The following TRIM14 variants were observed in gnomAD, a reference collection of about 807,000 sequenced individuals.
TRIM14 encodes tripartite motif containing 14.
A neutral mutation model predicts 44.5 loss-of-function variants in TRIM14; 28 were observed. The ratio of observed to expected loss-of-function variants is 0.63; its 90% CI spans 0.47 to 0.86. The LOEUF is 0.86. Among genes scored for constraint, TRIM14 ranks in the 40% least tolerant of loss-of-function variants. The pLI is 0.00. For missense variants in TRIM14, 607 were observed against 611.1 expected (o/e 0.99, Z 0.07); for synonymous variants, 299 against 269.2 (o/e 1.11, Z -1.08).
At chr9:98,071,999 A>T (rs1829355365) in intron 6 of TRIM14, among the ~76,000 whole-genome samples, 1 of 152,158 alleles carries the variant, frequency 6.6e-6, no homozygotes, top group Non-Finnish European at 1.5e-5. Flanking sequence ...TGGTGTTTGC[A>T]GCGGGGCTTC....
At chr9:98,062,721 C>T in the TRIM14 span, among the ~76,000 whole-genome samples, 1 of 150,448 alleles carries the variant, frequency 6.6e-6, no homozygotes, top group African/African-American at 2.4e-5. Flanking sequence ...TCTTTTGGTG[C>T]ATGTACTATA....
Position 98,113,350 on chromosome 9 carries a change from C to G in TRIM14, c.208-3366G>C, listed in dbSNP as rs578191547. ...TGGATGATAGATAATATACTAACACCTAAGTAATTTTTTTCTTTTTTTGAG... is the reference window on the plus strand; with the variant it reads ...TGGATGATAGATAATATACTAACACGTAAGTAATTTTTTTCTTTTTTTGAG... On this transcript the variant is annotated intron_variant, in intron 1 of 5. Coordinates refer to ENST00000341469, the MANE Select transcript of TRIM14 (RefSeq NM_014788.4). Among the ~76,000 whole-genome samples the G allele has an allele frequency of 2.6e-5, 4 of 151,932 alleles. No homozygotes were observed. In the South Asian group the frequency reaches 8.3e-4, roughly 32 times the overall value.
rs60368742 is a variant in TRIM14, at chr9:98,103,836, C to CAA, written c.304-3674_304-3673dup. Among the ~76,000 whole-genome samples the CAA allele has an allele frequency of 2.2e-3, 161 of 74,564 alleles. 2 individuals carry two copies. Among genetic ancestry groups the CAA allele is most frequent in the African/African-American group, 7.1e-3 (139 of 19,682 alleles). The allele number at this position is 74,564 out of a possible 152,430, so 48.9% of individuals were successfully genotyped here. ...CTGGCAACAGAGCGAGACTCCGTCT[C>CAA]AAAAAAAAAAAAAAAAAAAATTAAA... On this transcript the variant is annotated intron_variant, in intron 2 of 5. Coordinates refer to ENST00000341469, the MANE Select transcript of TRIM14 (RefSeq NM_014788.4).
At chr9:98,106,825 CT>C (rs990996900) in intron 2 of TRIM14, among the ~76,000 whole-genome samples, 1,217 of 116,154 alleles carry the variant, frequency 0.01, 7 homozygotes, top group Middle Eastern at 0.022. Flanking sequence ...TTTCTTTCTT[CT>C]TTTTTTTTTT....
In TRIM14 at chr9:98,094,918, C is replaced by CCA; in HGVS notation, c.647_648dup (p.Glu217TrpfsTer20). 1 of 1,614,226 alleles carries CCA rather than the reference C, an allele frequency of 6.2e-7. No individual in the cohort carries two copies. Among genetic ancestry groups the CCA allele is most frequent in the Non-Finnish European group, 8.5e-7 (1 of 1,180,036 alleles). ...GTCTGTAATGTACTCTCCACGGCTT[C>CCA]CACGAGGCCCTTAAAGAAGCTCTTG... On this transcript the variant is annotated frameshift_variant, in exon 4 of 6. Coordinates refer to ENST00000341469, the MANE Select transcript of TRIM14 (RefSeq NM_014788.4). LOFTEE classifies it high-confidence loss of function.
At chr9:98,041,261 G>GA in the TRIM14 span, among the ~76,000 whole-genome samples, 31 of 148,436 alleles carry the variant, frequency 2.1e-4, no homozygotes, top group East Asian at 1.4e-3. Context: ...CAAATTGCAG[G>GA]AAAAAAAAAA....
At chr9:98,041,126 G>T in the TRIM14 span, among the ~76,000 whole-genome samples, 2 of 152,008 alleles carry the variant, frequency 1.3e-5, no homozygotes. Context: ...GTATTTAGGG[G>T]AACAGTGTAC....
the TRIM14 span, among the ~76,000 whole-genome samples, chr9:98,045,342 T>G: frequency 6.6e-6 from 1 of 152,218 alleles, no homozygotes; most frequent in Non-Finnish European, 1.5e-5. Context: ...TAAAGCTGCC[T>G]CCTTACATAT....
At chr9:98,109,584 G>T (rs1412601389) in intron 2 of TRIM14, among the ~76,000 whole-genome samples, 5 of 152,158 alleles carry the variant, frequency 3.3e-5, no homozygotes, top group Admixed American at 2.0e-4. Context: ...GGCAATTTGG[G>T]ATAATGGGCT....
chr9:98,109,323 G>A (rs1318436169), intron 2 of TRIM14, among the ~76,000 whole-genome samples: 1 of 152,086 alleles, frequency 6.6e-6, no homozygotes. Context: ...AGGATGCAAG[G>A]GGAAATGACC....
the TRIM14 span, among the ~76,000 whole-genome samples, chr9:98,045,249 C>T: frequency 1.3e-5 from 2 of 152,328 alleles, no homozygotes; most frequent in African/African-American, 2.4e-5. Flanking sequence ...TTGTAGCTCT[C>T]GTCCACCATT....
At position 98,087,403 on chromosome 9, in the gene TRIM14, T is replaced by C; in HGVS notation, c.*67A>G. On this transcript the variant is annotated 3_prime_UTR_variant, in exon 6 of 6. Transcript: ENST00000341469. ...GCAGTAAGGGGACCAGCCACGCTGA[T>C]CTAGGTAGATTAGGCGAGACTGGGC... 1 of 1,608,928 alleles carries C rather than the reference T, an allele frequency of 6.2e-7. No homozygotes were observed.
downstream of TRIM14, among the ~76,000 whole-genome samples, chr9:98,067,828 C>T (rs1332229020): frequency 7.5e-6 from 1 of 133,382 alleles, no homozygotes; most frequent in African/African-American, 3.4e-5. Flanking sequence ...CTCAAGCAAT[C>T]CTCCCACCTC....
chr9:98,101,926 T>C (rs1343147702), intron 2 of TRIM14, among the ~76,000 whole-genome samples: 1 of 148,692 alleles, frequency 6.7e-6, no homozygotes, highest in Non-Finnish European at 1.5e-5. Flanking sequence ...GAGAATCACT[T>C]GAGCCCGGGA....
chr9:98,100,379 GA>G, intron 2 of TRIM14, among the ~76,000 whole-genome samples: 1 of 152,238 alleles, frequency 6.6e-6, no homozygotes, highest in South Asian at 2.1e-4. Context: ...GAAAATGGGA[GA>G]AAAAATAGCA....
the TRIM14 span, among the ~76,000 whole-genome samples, chr9:98,052,596 C>T: frequency 1.3e-5 from 2 of 152,178 alleles, no homozygotes; most frequent in African/African-American, 2.4e-5. Context: ...CAACCTCCAC[C>T]TCCTGGGTTC....
At chr9:98,058,705 T>C in the TRIM14 span, among the ~76,000 whole-genome samples, 1 of 152,170 alleles carries the variant, frequency 6.6e-6, no homozygotes. Flanking sequence ...GAAGGCAGAT[T>C]GCTTGAGCTC....
intron 1 of TRIM14, 58 bp downstream of exon 1, chr9:98,118,924 A>G: frequency 7.0e-7 from 1 of 1,432,262 alleles, no homozygotes; most frequent in Non-Finnish European, 9.1e-7. Context: ...CTCGGCCGTT[A>G]TGCCTGGGCT....
At chr9:98,061,060 G>T in the TRIM14 span, 1 of 1,528,018 alleles carries the variant, frequency 6.5e-7, no homozygotes. Flanking sequence ...AGGCAGCCTG[G>T]TGACTTCCGG....
Sources: gnomAD v4.1 joint callset for allele counts (sites outside exome capture counted in the v4.1 genomes callset) on GRCh38, gnomAD v4.1.1 for gene constraint, MANE v1.5 for transcripts, NCBI Gene and HGNC (gene_info 2026-07-23, HGNC 2026-07-21) for gene names.